Variants in GTF2IRD1 observed in about 807,000 individuals in gnomAD.
The protein encoded by GTF2IRD1 is GTF2I repeat domain containing 1, also known as general transcription factor II-I repeat domain-containing protein 1.
Under a neutral mutation model 113.2 loss-of-function variants are expected in GTF2IRD1, and 26 were observed. The observed-to-expected ratio is 0.23, with a 90% CI of 0.17 to 0.32. GTF2IRD1 has a LOEUF of 0.32. Among genes scored for constraint, GTF2IRD1 ranks in the 10% least tolerant of loss-of-function variants. GTF2IRD1 has a pLI of 1.00. For synonymous variants in GTF2IRD1, 484 were observed against 529.1 expected (o/e 0.91, Z 1.17); for missense variants, 864 against 1,280.8 (o/e 0.67, Z 4.97).
rs201900909 is a variant in GTF2IRD1 at position 74,539,854 on chromosome 7, G to A, written c.1529-25G>A. The stretch of plus-strand genomic sequence containing the variant: ...GGAGTATGACAGGCAGAAGATACCC[G>A]TGTCATTCGGAGTTTTGTCTTCAGA... On this transcript the variant is annotated intron_variant, in intron 13 of 26. Transcript: ENST00000424337. 69 of 1,549,728 alleles carry A rather than the reference G, an allele frequency of 4.5e-5. No homozygotes were observed. In the Admixed American group the frequency reaches 7.0e-4, roughly 16 times the overall value.
intron 17 of GTF2IRD1, among the ~76,000 whole-genome samples, chr7:74,553,194 G>A (rs1207054516): frequency 6.6e-6 from 1 of 150,880 alleles, no homozygotes; most frequent in Non-Finnish European, 1.5e-5. Context: ...CAGTGGTGCT[G>A]TCTCGGCTCA....
intron 17 of GTF2IRD1, among the ~76,000 whole-genome samples, chr7:74,549,044 A>AC (rs201850442): frequency 0.3 from 44,854 of 151,640 alleles, 8,657 homozygotes; most frequent in African/African-American, 0.56. Flanking sequence ...CCCAGCTGGC[A>AC]TTTGGGAGGC....
chr7:74,557,490 C>T (rs1281511640), intron 19 of GTF2IRD1, 149 bp from the exon 20 acceptor site: 8 of 594,260 alleles, frequency 1.3e-5, no homozygotes, highest in Non-Finnish European at 2.4e-5. Flanking sequence ...ATCAACATGT[C>T]GGTGCTGAAG....
At chr7:74,579,209 T>G (rs1554365389) in intron 22 of GTF2IRD1, among the ~76,000 whole-genome samples, 3 of 152,102 alleles carry the variant, frequency 2.0e-5, no homozygotes, top group Non-Finnish European at 2.9e-5. Flanking sequence ...TAGGCCCATG[T>G]ACTCAGGAGA....
At chr7:74,471,994 CAACA>C (rs781491020) in intron 1 of GTF2IRD1, among the ~76,000 whole-genome samples, 15 of 152,118 alleles carry the variant, frequency 9.9e-5, no homozygotes, top group South Asian at 4.2e-4. Flanking sequence ...TCTGTCTCAA[CAACA>C]AACAAACAAA....
intron 9 of GTF2IRD1, 113 bp downstream of exon 9, chr7:74,530,030 CA>C (rs1797866562): frequency 2.9e-6 from 2 of 698,380 alleles, no homozygotes; most frequent in Middle Eastern, 3.5e-4. Flanking sequence ...GTCAACATGG[CA>C]AAACCCCGTC....
chr7:74,484,791 T>C lies in GTF2IRD1; in HGVS notation c.-6-23284T>C, dbSNP rs550656617. 1.1e-4 allele frequency among the ~76,000 whole-genome samples: 17 copies of C among 152,286 alleles called. No homozygotes were observed. In the East Asian group the frequency reaches 3.1e-3, roughly 28 times the overall value. On this transcript the variant is annotated intron_variant, in intron 1 of 26. Coordinates refer to ENST00000424337, the MANE Select transcript of GTF2IRD1 (RefSeq NM_005685.4). ...CTTTTTAAGGCTCAGTAATATTCCA[T>C]TGTATGGATAGACTGTGGTTTTTTA...
rs201303061 is a variant in GTF2IRD1 at position 74,565,524 on chromosome 7, C to CA, written c.2320+5876dup. Among the ~76,000 whole-genome samples the CA allele has an allele frequency of 8.0e-3, 1,193 of 149,352 alleles. 12 individuals carry two copies. The highest frequency in any genetic ancestry group is 0.028 in the African/African-American group (1,094 of 39,398). ...TGGGCAACAGAGCACAACCCGGTCA[C>CA]AAAAAAAGAAAGAAAAAAGAAAACC... On this transcript the variant is annotated intron_variant, in intron 22 of 26. Coordinates refer to ENST00000424337, the MANE Select transcript of GTF2IRD1 (RefSeq NM_005685.4).
intron 17 of GTF2IRD1, among the ~76,000 whole-genome samples, chr7:74,547,595 C>T (rs56278054): frequency 0.031 from 4,763 of 151,676 alleles, 254 homozygotes; most frequent in African/African-American, 0.11. Flanking sequence ...CGCGCCACCA[C>T]GCCCGGCTAA....
intron 10 of GTF2IRD1, 98 bp from the exon 11 acceptor site, chr7:74,536,069 G>A (rs782323827): frequency 5.2e-6 from 4 of 774,298 alleles, no homozygotes; most frequent in Non-Finnish European, 9.0e-6. Flanking sequence ...CCTATCCCCG[G>A]GATTCCCCCA....
chr7:74,494,068 C>G (rs1795511942), intron 1 of GTF2IRD1, among the ~76,000 whole-genome samples: 1 of 152,148 alleles, frequency 6.6e-6, no homozygotes, highest in Non-Finnish European at 1.5e-5. Context: ...ACCAATAGCC[C>G]AACATTAGCA....
intron 10 of GTF2IRD1, among the ~76,000 whole-genome samples, chr7:74,535,622 T>C (rs1554350029): frequency 6.6e-6 from 1 of 152,162 alleles, no homozygotes; most frequent in East Asian, 1.9e-4. Context: ...AGGAGGAAGA[T>C]GCGGGCTCTT....
Position 74,495,911 on chromosome 7 carries a change from C to T in GTF2IRD1, c.-6-12164C>T, listed in dbSNP as rs530634980. Among the ~76,000 whole-genome samples the T allele has an allele frequency of 1.3e-4, 20 of 152,282 alleles. No individual in the cohort carries two copies. In the East Asian group the frequency reaches 3.9e-3, roughly 29 times the overall value. ...TTGGAGGGTGAGGTCATGCCCTGCG[C>T]GTCTCTGTGTCCCAGCACGACTGTG... On this transcript the variant is annotated intron_variant, in intron 1 of 26. Transcript: ENST00000424337.
At chr7:74,578,810 A>G (rs182211789) in intron 22 of GTF2IRD1, among the ~76,000 whole-genome samples, 1 of 152,268 alleles carries the variant, frequency 6.6e-6, no homozygotes, top group East Asian at 1.9e-4. Flanking sequence ...AGCCTGGGCA[A>G]CATGGCAAGA....
At chr7:74,588,105 TC>T (rs1275145899) in intron 22 of GTF2IRD1, among the ~76,000 whole-genome samples, 1 of 149,788 alleles carries the variant, frequency 6.7e-6, no homozygotes, top group Non-Finnish European at 1.5e-5. Flanking sequence ...TCTTTTCTTT[TC>T]TTTTTTTTTT....
rs782558602 is a variant in GTF2IRD1 at position 74,558,858 on chromosome 7, C to T, written c.2108-3C>T. On this transcript the variant is annotated splice_region_variant and splice_polypyrimidine_tract_variant and intron_variant, in intron 20 of 26. Coordinates refer to ENST00000424337, the MANE Select transcript of GTF2IRD1 (RefSeq NM_005685.4). The stretch of plus-strand genomic sequence containing the variant: ...CGGGCAGGACCCTGCCTCTCGCCCA[C>T]AGGGGAAGCCTTGGGCATCAAGTAC... 12 of 1,609,542 alleles carry T rather than the reference C, an allele frequency of 7.5e-6. No homozygotes were observed. The highest frequency in any genetic ancestry group is 1.0e-5 in the Non-Finnish European group (12 of 1,176,990).
intron 1 of GTF2IRD1, among the ~76,000 whole-genome samples, chr7:74,496,387 A>C (rs1795695194): frequency 7.9e-6 from 1 of 126,886 alleles, no homozygotes; most frequent in Non-Finnish European, 1.6e-5. Flanking sequence ...TATGTGTGTG[A>C]TATATGTGGG....
At chr7:74,547,046 G>A in intron 16 of GTF2IRD1, 57 bp from the exon 17 acceptor site, 1 of 1,511,174 alleles carries the variant, frequency 6.6e-7, no homozygotes, top group Non-Finnish European at 9.1e-7. Flanking sequence ...GGACACAGGG[G>A]TTGAGGCTCC....
chr7:74,581,168 C>T (rs1170992378), intron 22 of GTF2IRD1, among the ~76,000 whole-genome samples: 1 of 152,102 alleles, frequency 6.6e-6, no homozygotes, highest in Non-Finnish European at 1.5e-5. Flanking sequence ...TACAGGCACC[C>T]GCCACTATGC....
Sources: gnomAD v4.1 joint callset for allele counts (sites outside exome capture counted in the v4.1 genomes callset) on GRCh38, gnomAD v4.1.1 for gene constraint, MANE v1.5 for transcripts, NCBI Gene and HGNC (gene_info 2026-07-23, HGNC 2026-07-21) for gene names.